The following ZC3H12B variants were observed in gnomAD, a reference collection of about 807,000 sequenced individuals.
ZC3H12B encodes the protein probable ribonuclease ZC3H12B.
Under a neutral mutation model 43.9 loss-of-function variants are expected in ZC3H12B, and 7 were observed. The ratio of observed to expected loss-of-function variants is 0.16; its 90% confidence interval spans 0.09 to 0.30. The LOEUF (loss-of-function observed/expected upper bound fraction) is 0.30, where lower values mean the gene tolerates loss of function less well. ZC3H12B is among the 10% of genes least tolerant of loss of function. The pLI is 1.00. For missense variants in ZC3H12B, 475 were observed against 670.2 expected (o/e 0.71, Z 3.22); for synonymous variants, 222 against 241.7 (o/e 0.92, Z 0.76).
the ZC3H12B span, among the ~76,000 whole-genome samples, chrX:65,067,817 T>C: frequency 9.0e-6 from 1 of 111,281 alleles, no homozygotes; most frequent in East Asian, 2.8e-4. Flanking sequence ...TTCTTTATGA[T>C]GCATCATTGG....
At chrX:65,379,295 G>C (rs1258359526) in intron 2 of ZC3H12B, among the ~76,000 whole-genome samples, 1 of 111,805 alleles carries the variant, frequency 8.9e-6, no homozygotes. Context: ...GTGAGTCCCT[G>C]ACCTCTGACC....
At chrX:65,156,067 G>T in the ZC3H12B span, among the ~76,000 whole-genome samples, 1 of 109,761 alleles carries the variant, frequency 9.1e-6, no homozygotes, top group Admixed American at 9.8e-5. Context: ...TGGCAAGTTG[G>T]GTCTTTATAG....
the ZC3H12B span, among the ~76,000 whole-genome samples, chrX:65,076,813 G>A: frequency 9.0e-6 from 1 of 110,512 alleles, no homozygotes; most frequent in Non-Finnish European, 1.9e-5. Flanking sequence ...TTTGTTTAAA[G>A]ATATTTTTAA....
the ZC3H12B span, among the ~76,000 whole-genome samples, chrX:65,217,766 A>G: frequency 8.9e-6 from 1 of 112,174 alleles, no homozygotes; most frequent in Admixed American, 9.5e-5. Flanking sequence ...AAGAAAAGAA[A>G]AATGGAAATA....
the ZC3H12B span, among the ~76,000 whole-genome samples, chrX:65,333,682 C>G: frequency 9.0e-6 from 1 of 111,459 alleles, no homozygotes; most frequent in Non-Finnish European, 1.9e-5. Flanking sequence ...GTCACAATTT[C>G]CAAAGTTATC....
chrX:65,502,964 T>C (rs1490405819), exon 5 of ZC3H12B: 1 of 1,211,625 alleles, frequency 8.3e-7, no homozygotes. Flanking sequence ...GCAACCATGT[T>C]ATGAGCCAGT....
chrX:65,069,047 AG>A, the ZC3H12B span, among the ~76,000 whole-genome samples: 1 of 109,221 alleles, frequency 9.2e-6, no homozygotes, highest in Non-Finnish European at 1.9e-5. Context: ...TTGTGATTTT[AG>A]GGATTTTTCT....
the ZC3H12B span, among the ~76,000 whole-genome samples, chrX:65,116,414 T>C: frequency 9.0e-6 from 1 of 111,417 alleles, no homozygotes; most frequent in East Asian, 2.8e-4. Context: ...TATGTGCCTA[T>C]TTTTATACCA....
At position 65,448,979 on chromosome X, in the gene ZC3H12B, G is replaced by GAAAGAAAGAA. The variant is rs1158285090; in HGVS notation, n.408-39666_408-39665insAAGAAAGAAA. Among the ~76,000 whole-genome samples the GAAAGAAAGAA allele has an allele frequency of 1.8e-4, 4 of 21,673 alleles. No homozygotes were observed. In the Non-Finnish European group the frequency reaches 3.5e-3, roughly 19 times the overall value. 18.8% of individuals were successfully genotyped at this position (21,673 alleles called of 115,157 possible). A position where few individuals can be genotyped will look rare whatever the true frequency, so the allele number is the denominator to read the frequency against. ...AAAAAGAAAGAAAGAAAGAAAGAAA[G>GAAAGAAAGAA]AGAAAGAAAGAAAGAGAGGAAAGAA... On this transcript the variant is annotated intron_variant and non_coding_transcript_variant, in intron 3 of 5. Coordinates refer to the ZC3H12B transcript ENST00000617377.
the ZC3H12B span, among the ~76,000 whole-genome samples, chrX:65,073,747 A>G: frequency 8.9e-6 from 1 of 111,757 alleles, no homozygotes; most frequent in Non-Finnish European, 1.9e-5. Context: ...GTCTCATCCT[A>G]CCAGAATTCC....
the ZC3H12B span, among the ~76,000 whole-genome samples, chrX:65,133,582 G>C: frequency 8.9e-6 from 1 of 111,739 alleles, no homozygotes; most frequent in Non-Finnish European, 1.9e-5. Context: ...AGAAGAAATT[G>C]TTGGGCAGGT....
At chrX:65,408,230 C>G in intron 3 of ZC3H12B, 1 of 1,183,543 alleles carries the variant, frequency 8.4e-7, no homozygotes, top group Non-Finnish European at 1.1e-6. Context: ...ATGTGAGTAA[C>G]CGGCAAGTGA....
the ZC3H12B span, among the ~76,000 whole-genome samples, chrX:65,151,467 C>A: frequency 9.0e-6 from 1 of 111,492 alleles, no homozygotes; most frequent in Non-Finnish European, 1.9e-5. Context: ...TGTGTTGTAC[C>A]CACTAATAGC....
chrX:65,497,477 G>A (rs1225677610), intron 2 of ZC3H12B, among the ~76,000 whole-genome samples: 3 of 111,983 alleles, frequency 2.7e-5, no homozygotes, highest in Non-Finnish European at 3.8e-5. Context: ...ACTTCAATTC[G>A]GCAAAAGATA....
chrX:65,450,799 A>G (rs373309018), intron 3 of ZC3H12B, among the ~76,000 whole-genome samples: 1 of 78,967 alleles, frequency 1.3e-5, no homozygotes, highest in Non-Finnish European at 2.3e-5. Context: ...GTATATATAT[A>G]CATATGTGTA....
the ZC3H12B span, among the ~76,000 whole-genome samples, chrX:65,341,993 C>T: frequency 1.8e-5 from 2 of 110,705 alleles, no homozygotes; most frequent in African/African-American, 6.6e-5. Flanking sequence ...AACCAAGACC[C>T]AATAATATGC....
chrX:65,118,216 T>G, the ZC3H12B span, among the ~76,000 whole-genome samples: 1 of 112,094 alleles, frequency 8.9e-6, no homozygotes, highest in Non-Finnish European at 1.9e-5. Flanking sequence ...CTTCCATTTG[T>G]TTGTGTCCTC....
At chrX:65,348,165 G>T in the ZC3H12B span, among the ~76,000 whole-genome samples, 2 of 111,780 alleles carry the variant, frequency 1.8e-5, no homozygotes, top group Non-Finnish European at 3.8e-5. Context: ...CACCAACATG[G>T]CACATGTATA....
chrX:65,212,713 C>CAT, the ZC3H12B span, among the ~76,000 whole-genome samples: 2 of 87,526 alleles, frequency 2.3e-5, no homozygotes, highest in Non-Finnish European at 2.2e-5. Context: ...ATTTATATAT[C>CAT]ATATATATAT....
Sources: gnomAD v4.1 joint callset for allele counts (sites outside exome capture counted in the v4.1 genomes callset) on GRCh38, gnomAD v4.1.1 for gene constraint, MANE v1.5 for transcripts, NCBI Gene and HGNC (gene_info 2026-07-23, HGNC 2026-07-21) for gene names.